The following CFAP54 variants were observed in gnomAD, a reference collection of about 807,000 sequenced individuals.
CFAP54 encodes the protein cilia and flagella associated protein 54.
A neutral mutation model predicts 370.4 loss-of-function variants in CFAP54; 290 were observed. The observed-to-expected ratio is 0.78, with a 90% CI of 0.71 to 0.86. CFAP54 has a LOEUF of 0.86. Among genes scored for constraint, CFAP54 ranks in the 40% least tolerant of loss-of-function variants. The probability of loss-of-function intolerance (pLI) is 0.00; values close to 1 mark genes in which losing one functional copy is unlikely to be tolerated. For synonymous variants in CFAP54, 1,206 were observed against 1,236.5 expected (o/e 0.98, Z 0.52); for missense variants, 3,399 against 3,528.7 (o/e 0.96, Z 0.93).
intron 60 of CFAP54, among the ~76,000 whole-genome samples, chr12:96,782,711 T>C (rs574687405): frequency 1.3e-5 from 2 of 152,138 alleles, no homozygotes; most frequent in Non-Finnish European, 2.9e-5. Context: ...TAGTTTTATT[T>C]TGTGGAATTT....
intron 32 of CFAP54, among the ~76,000 whole-genome samples, chr12:96,641,747 T>C (rs561445571): frequency 3.3e-4 from 50 of 152,226 alleles, no homozygotes; most frequent in African/African-American, 1.2e-3. Flanking sequence ...ACTATGCAGC[T>C]ATAAAAAATG....
At chr12:96,538,767 T>A (rs1955537307) in intron 13 of CFAP54, 1 of 406,016 alleles carries the variant, frequency 2.5e-6, no homozygotes, top group Non-Finnish European at 4.5e-6. Context: ...CTTTTTTTTT[T>A]TGGCAGAGTC....
intron 66 of CFAP54, among the ~76,000 whole-genome samples, chr12:96,829,754 C>T (rs1959165119): frequency 6.6e-6 from 1 of 151,852 alleles, no homozygotes; most frequent in Non-Finnish European, 1.5e-5. Context: ...TTTAAGTGTA[C>T]AGTTCAGTGG....
chr12:96,827,624 TTA>T (rs147357220), intron 65 of CFAP54, among the ~76,000 whole-genome samples: 2 of 69,786 alleles, frequency 2.9e-5, no homozygotes, highest in Admixed American at 1.7e-4. Context: ...TTATATGTGA[TTA>T]TATATAATGT....
At chr12:96,854,586 C>T (rs1429745052) in intron 66 of CFAP54, among the ~76,000 whole-genome samples, 3 of 151,988 alleles carry the variant, frequency 2.0e-5, no homozygotes, top group Non-Finnish European at 4.4e-5. Context: ...TGTATAAAAA[C>T]TAGAAAAAAA....
chr12:96,669,274 G>A (rs977458282), intron 39 of CFAP54, among the ~76,000 whole-genome samples: 1 of 152,138 alleles, frequency 6.6e-6, no homozygotes, highest in African/African-American at 2.4e-5. Flanking sequence ...AGAACTGAGG[G>A]GAGCTAGTTA....
At chr12:96,715,632 CT>C (rs1957669456) in intron 48 of CFAP54, among the ~76,000 whole-genome samples, 1 of 152,146 alleles carries the variant, frequency 6.6e-6, no homozygotes, top group Non-Finnish European at 1.5e-5. Flanking sequence ...TCACCCTTCA[CT>C]TTTTCCTATT....
intron 67 of CFAP54, among the ~76,000 whole-genome samples, chr12:96,868,099 C>T (rs912770838): frequency 3.9e-5 from 6 of 152,116 alleles, no homozygotes; most frequent in African/African-American, 9.7e-5. Context: ...TCAACCCAGA[C>T]GTCTCCTCCA....
chr12:96,515,434 T>G (rs1955219796), intron 5 of CFAP54, among the ~76,000 whole-genome samples: 1 of 152,182 alleles, frequency 6.6e-6, no homozygotes, highest in African/African-American at 2.4e-5. Context: ...ATGACATTCT[T>G]TCTGTTTCAA....
chr12:96,793,460 A>G (rs932699594), intron 63 of CFAP54, among the ~76,000 whole-genome samples: 16 of 152,034 alleles, frequency 1.1e-4, no homozygotes, highest in Admixed American at 8.5e-4. Flanking sequence ...ATTGATGGGC[A>G]TTTGGGCTGA....
intron 26 of CFAP54, among the ~76,000 whole-genome samples, chr12:96,617,173 T>G (rs1040989538): frequency 6.6e-6 from 1 of 152,144 alleles, no homozygotes; most frequent in Non-Finnish European, 1.5e-5. Context: ...GTGTAGTGAA[T>G]GGGGAGAAGG....
At chr12:96,787,956 A>C (rs559849920) in intron 62 of CFAP54, among the ~76,000 whole-genome samples, 8 of 149,050 alleles carry the variant, frequency 5.4e-5, no homozygotes, top group African/African-American at 1.5e-4. Context: ...TCTGTCGCCC[A>C]GCCTGAAGTG....
At chr12:96,790,828 T>G (rs1454964982) in intron 62 of CFAP54, among the ~76,000 whole-genome samples, 1 of 152,248 alleles carries the variant, frequency 6.6e-6, no homozygotes, top group Non-Finnish European at 1.5e-5. Flanking sequence ...CTCTAGACAT[T>G]TAGAAAACTT....
At chr12:96,815,596 T>C (rs1958967040) in intron 64 of CFAP54, among the ~76,000 whole-genome samples, 1 of 152,236 alleles carries the variant, frequency 6.6e-6, no homozygotes, top group Non-Finnish European at 1.5e-5. Context: ...TTGGCTTTTG[T>C]TGCAATTGCT....
At chr12:96,501,016 T>G in intron 2 of CFAP54, 77 bp downstream of exon 2, 1 of 747,654 alleles carries the variant, frequency 1.3e-6, no homozygotes, top group South Asian at 2.3e-5. Context: ...TCTGATACCC[T>G]TCCTATTTTA....
rs766939011 is a variant in CFAP54, at chr12:96,718,471, A to T, written c.6753A>T (p.Ser2251=). The change falls in exon 49 of 68, where the codon TCA becomes TCT. Residue 2251 remains serine (S), a synonymous_variant. Transcript: ENST00000524981. ...TATATTCAAAGGATGATGGAAGTTC[A>T]TTTTATAATCTTACAAAACTTAAAG... is the stretch of plus-strand genomic sequence containing the variant. ...EEIYSKDDGS[S]FYNLTKLKDE... 7 of 1,577,914 alleles carry T rather than the reference A, an allele frequency of 4.4e-6. No homozygotes were observed. In the South Asian group the frequency reaches 6.7e-5, roughly 15 times the overall value.
chr12:96,600,424 C>T (rs543981040), intron 26 of CFAP54, among the ~76,000 whole-genome samples: 68 of 152,230 alleles, frequency 4.5e-4, no homozygotes, highest in African/African-American at 1.5e-3. Flanking sequence ...TAGAGTGATG[C>T]CTCCAGCTTT....
intron 26 of CFAP54, among the ~76,000 whole-genome samples, chr12:96,620,257 A>G (rs1436451670): frequency 6.6e-6 from 1 of 152,128 alleles, no homozygotes; most frequent in Non-Finnish European, 1.5e-5. Flanking sequence ...CTCCCCACCC[A>G]AATCTCATCT....
intron 32 of CFAP54, among the ~76,000 whole-genome samples, chr12:96,632,456 T>G (rs1250872906): frequency 6.6e-6 from 1 of 151,982 alleles, no homozygotes; most frequent in African/African-American, 2.4e-5. Context: ...CTTTCACTCT[T>G]TTTTTAGTTT....
Sources: gnomAD v4.1 joint callset for allele counts (sites outside exome capture counted in the v4.1 genomes callset) on GRCh38, gnomAD v4.1.1 for gene constraint, MANE v1.5 for transcripts, NCBI Gene and HGNC (gene_info 2026-07-23, HGNC 2026-07-21) for gene names.